The following RASSF8 variants were observed in gnomAD, a reference collection of about 807,000 sequenced individuals.
RASSF8 encodes Ras association domain family member 8, also known as ras association domain-containing protein 8.
Under a neutral mutation model 48.5 loss-of-function variants are expected in RASSF8, and 22 were observed. The observed-to-expected ratio is 0.45, with a 90% CI of 0.32 to 0.65. The LOEUF (loss-of-function observed/expected upper bound fraction) is 0.65. Ranked by LOEUF, RASSF8 falls within the 30% of genes least tolerant of loss-of-function variation. RASSF8 has a pLI of 0.03. For synonymous variants in RASSF8, 127 were observed against 171.5 expected (o/e 0.74, Z 2.03); for missense variants, 418 against 489.2 (o/e 0.85, Z 1.37).
rs533440820 is a variant in RASSF8, at chr12:25,970,922, G to A, written c.-203+11774G>A. Among the ~76,000 whole-genome samples the A allele has an allele frequency of 5.3e-5, 8 of 152,330 alleles. No homozygotes were observed. The South Asian group carries it at 1.2e-3, about 24-fold the overall frequency. On this transcript the variant is annotated intron_variant, in intron 1 of 5. Coordinates refer to ENST00000689635, the MANE Select transcript of RASSF8 (RefSeq NM_001394098.1). The stretch of plus-strand genomic sequence containing the variant: ...AGAACACTTGACGGTATTAAAACCA[G>A]CCTGGCTGTCCCTTTCTCTTGAAGG...
intron 2 of RASSF8, among the ~76,000 whole-genome samples, chr12:26,032,068 G>A (rs939608562): frequency 3.3e-5 from 5 of 152,090 alleles, no homozygotes; most frequent in African/African-American, 9.7e-5. Flanking sequence ...GTCTTGAGAT[G>A]CTTGGAAATT....
Position 26,071,539 on chromosome 12 carries a change from C to T in RASSF8, c.*2721C>T, listed in dbSNP as rs1205039108. On this transcript the variant is annotated 3_prime_UTR_variant, in exon 6 of 6. Coordinates refer to ENST00000689635, the MANE Select transcript of RASSF8 (RefSeq NM_001394098.1). ...TATATTTGACCTTTTGAGTGTCTGTCATCCTCAGAGAATGGCCCATAGTGT... is the reference window on the plus strand; with the variant it reads ...TATATTTGACCTTTTGAGTGTCTGTTATCCTCAGAGAATGGCCCATAGTGT... The T allele has an allele frequency of 8.2e-6, 8 of 976,602 alleles. No individual in the cohort carries two copies. The highest frequency in any genetic ancestry group is 9.7e-6 in the Non-Finnish European group (8 of 821,902). 60.5% of individuals were successfully genotyped at this position (976,602 alleles called of 1,614,324 possible). A position where few individuals can be genotyped will look rare whatever the true frequency, so the allele number is the denominator to read the frequency against.
intron 1 of RASSF8, among the ~76,000 whole-genome samples, chr12:25,967,308 C>T (rs966761852): frequency 6.6e-6 from 1 of 152,162 alleles, no homozygotes; most frequent in Non-Finnish European, 1.5e-5. Flanking sequence ...TATTTGCTCT[C>T]TGTTATAATA....
intron 3 of RASSF8, among the ~76,000 whole-genome samples, chr12:26,061,172 T>C (rs929054126): frequency 1.3e-5 from 2 of 152,118 alleles, no homozygotes; most frequent in Non-Finnish European, 2.9e-5. Flanking sequence ...TTCCTAAAAT[T>C]ATAAAAATTG....
intron 1 of RASSF8, among the ~76,000 whole-genome samples, chr12:25,973,086 C>G (rs1478337573): frequency 1.3e-5 from 2 of 152,066 alleles, no homozygotes; most frequent in African/African-American, 4.8e-5. Context: ...GTTGTCCAGG[C>G]TGGAGTGCAT....
At chr12:25,979,448 A>G (rs552682222) in intron 1 of RASSF8, among the ~76,000 whole-genome samples, 49 of 152,162 alleles carry the variant, frequency 3.2e-4, no homozygotes, top group Non-Finnish European at 2.6e-4. Flanking sequence ...TCTGAAGAAC[A>G]GTGAGGTTAG....
At chr12:26,004,980 C>A (rs1041469362) in intron 2 of RASSF8, among the ~76,000 whole-genome samples, 1 of 151,548 alleles carries the variant, frequency 6.6e-6, no homozygotes, top group African/African-American at 2.4e-5. Flanking sequence ...AAAGGGAGAC[C>A]CTGTCTTTAC....
In RASSF8 at chr12:26,069,109, G is replaced by A; in HGVS notation, c.*291G>A. The A allele has an allele frequency of 7.9e-6, 8 of 1,014,112 alleles. No individual in the cohort carries two copies. Among genetic ancestry groups the A allele is most frequent in the African/African-American group, 1.7e-5 (1 of 58,326 alleles). 62.8% of individuals were successfully genotyped at this position (1,014,112 alleles called of 1,614,324 possible). ...GCTTTAGGAAAGTATTATATAGTGT[G>A]TATACATAAATAAGCCGTGACTTAA... is the stretch of plus-strand genomic sequence containing the variant. On this transcript the variant is annotated 3_prime_UTR_variant, in exon 6 of 6. Transcript: ENST00000689635.
At chr12:26,009,441 G>C (rs1942470414) in intron 2 of RASSF8, among the ~76,000 whole-genome samples, 1 of 152,272 alleles carries the variant, frequency 6.6e-6, no homozygotes, top group Non-Finnish European at 1.5e-5. Flanking sequence ...TTTAGTGGAT[G>C]GGTGGTGGCG....
At chr12:25,977,024 C>T (rs1941622919) in intron 1 of RASSF8, among the ~76,000 whole-genome samples, 1 of 152,136 alleles carries the variant, frequency 6.6e-6, no homozygotes, top group African/African-American at 2.4e-5. Flanking sequence ...CTTTCAGCCA[C>T]TTTTGTATCC....
intron 3 of RASSF8, among the ~76,000 whole-genome samples, chr12:26,064,288 T>G (rs1943812829): frequency 6.6e-6 from 1 of 152,222 alleles, no homozygotes; most frequent in South Asian, 2.1e-4. Context: ...CTAAAGAGTA[T>G]GTGCAATACA....
intron 1 of RASSF8, among the ~76,000 whole-genome samples, chr12:25,978,726 T>C (rs1156279474): frequency 1.3e-5 from 2 of 151,982 alleles, no homozygotes; most frequent in African/African-American, 4.8e-5. Flanking sequence ...GATCAGATCA[T>C]TATAGGCTGG....
rs151058380 is a variant in RASSF8 at position 25,984,456 on chromosome 12, C to T, written c.-202-10581C>T. Among the ~76,000 whole-genome samples the T allele has an allele frequency of 2.9e-3, 441 of 152,178 alleles. 2 individuals carry two copies. The highest frequency in any genetic ancestry group is 0.01 in the African/African-American group (427 of 41,496). ...CTCCCCGGTTCAGGCAATTCTCTGGCCTCAGCCTCCTGAGTAGCTGGTACT... is the reference window on the plus strand; with the variant it reads ...CTCCCCGGTTCAGGCAATTCTCTGGTCTCAGCCTCCTGAGTAGCTGGTACT... On this transcript the variant is annotated intron_variant, in intron 1 of 5. Coordinates refer to ENST00000689635, the MANE Select transcript of RASSF8 (RefSeq NM_001394098.1).
intron 3 of RASSF8, among the ~76,000 whole-genome samples, chr12:26,057,491 T>C (rs1381620289): frequency 1.3e-5 from 2 of 152,208 alleles, no homozygotes; most frequent in Non-Finnish European, 2.9e-5. Flanking sequence ...TATTCCATGG[T>C]GTATATGTGC....
At chr12:25,994,017 AT>A (rs1404421973) in intron 1 of RASSF8, among the ~76,000 whole-genome samples, 1 of 152,196 alleles carries the variant, frequency 6.6e-6, no homozygotes, top group African/African-American at 2.4e-5. Context: ...CAAAGTCTTC[AT>A]TCAGGGCTAT....
At chr12:25,975,126 A>G (rs1337857363) in intron 1 of RASSF8, among the ~76,000 whole-genome samples, 3 of 152,212 alleles carry the variant, frequency 2.0e-5, no homozygotes, top group Non-Finnish European at 1.5e-5. Context: ...TAAAGAGGAA[A>G]GTTCAGTTTG....
Position 26,064,594 on chromosome 12 carries a change from G to A in RASSF8, c.200G>A (p.Gly67Glu), listed in dbSNP as rs753561039. ...CCTATCATATCCTTAAACAAATGGG[G>A]GCAGTATGCTAGTGATGTGCAGCTC... is the stretch of plus-strand genomic sequence containing the variant. ...ENPIISLNKW[G>E]QYASDVQLIL... The change falls in exon 4 of 6, where the codon GGG becomes GAG. Residue 67 changes from glycine to glutamate, a missense_variant. Gly to Glu is a moderately conservative substitution (Grantham distance 98). Coordinates refer to ENST00000689635, the MANE Select transcript of RASSF8 (RefSeq NM_001394098.1). 6.2e-7 allele frequency: 1 copy of A among 1,614,124 alleles called. No individual in the cohort carries two copies.
At chr12:26,064,107 T>C (rs556265322) in intron 3 of RASSF8, among the ~76,000 whole-genome samples, 1 of 152,354 alleles carries the variant, frequency 6.6e-6, no homozygotes, top group African/African-American at 2.4e-5. Flanking sequence ...ACCTAGTTCC[T>C]GGACCAGCCC....
At chr12:26,073,756 C>T (rs1266245393), downstream of RASSF8, among the ~76,000 whole-genome samples, 225 of 119,700 alleles carry the variant, frequency 1.9e-3, no homozygotes, top group African/African-American at 6.7e-3. Flanking sequence ...TATACACACA[C>T]ACACACACAC....
Sources: gnomAD v4.1 joint callset for allele counts (sites outside exome capture counted in the v4.1 genomes callset) on GRCh38, gnomAD v4.1.1 for gene constraint, MANE v1.5 for transcripts, NCBI Gene and HGNC (gene_info 2026-07-23, HGNC 2026-07-21) for gene names.